GALNT9: variants seen among roughly 807,000 people sequenced by gnomAD.
The protein encoded by GALNT9 is GalNAc transferase 9.
GALNT9 carries 47 observed loss-of-function variants against 63.1 expected under a neutral mutation model. That is an observed-to-expected ratio of 0.75 (90% CI 0.59 to 0.95). GALNT9 has a LOEUF of 0.95. Among genes scored for constraint, GALNT9 ranks in the 40% least tolerant of loss-of-function variants. The probability of loss-of-function intolerance (pLI) is 0.00; values close to 1 mark genes in which losing one functional copy is unlikely to be tolerated. For synonymous variants in GALNT9, 396 were observed against 365.7 expected, an observed-to-expected ratio of 1.08 and a Z score of -0.94; for missense variants, 829 against 874.8, an observed-to-expected ratio of 0.95 and a Z score of 0.66.
intron 2 of GALNT9, among the ~76,000 whole-genome samples, chr12:132,267,065 C>T (rs376942842): frequency 5.9e-5 from 9 of 152,116 alleles, no homozygotes; most frequent in East Asian, 1.9e-4. Flanking sequence ...GCTCTCTCCC[C>T]GAGGAGCAGT....
At chr12:132,264,212 C>T (rs1381468503) in intron 2 of GALNT9, among the ~76,000 whole-genome samples, 1 of 152,244 alleles carries the variant, frequency 6.6e-6, no homozygotes, top group Non-Finnish European at 1.5e-5. Flanking sequence ...AGAAGGCCTC[C>T]CTGCAAGCTC....
At chr12:132,213,986 G>A (rs868068231) in intron 6 of GALNT9, among the ~76,000 whole-genome samples, 1 of 152,140 alleles carries the variant, frequency 6.6e-6, no homozygotes, top group Non-Finnish European at 1.5e-5. Flanking sequence ...AGGGACACCC[G>A]CGACTCCGAG....
At position 132,265,779 on chromosome 12, in the gene GALNT9, G is replaced by T. The variant is rs781856997; in HGVS notation, c.420-3154C>A. Reference sequence around the variant, plus strand: ...AGCCACACATTCCTGCCTCGGAGGGGCCAGGGGCTTCTCCAGGACACTGTA... The same window carrying T: ...AGCCACACATTCCTGCCTCGGAGGGTCCAGGGGCTTCTCCAGGACACTGTA... On this transcript the variant is annotated intron_variant, in intron 2 of 10. Transcript: ENST00000328957. The surrounding 1 kb of genome is among the most constrained non-coding windows in gnomAD (Gnocchi z 5.3). Among the ~76,000 whole-genome samples, 1 of 152,212 alleles carries T rather than the reference G, an allele frequency of 6.6e-6. No individual in the cohort carries two copies. The highest frequency in any genetic ancestry group is 1.5e-5 in the Non-Finnish European group (1 of 68,042).
intron 1 of GALNT9, among the ~76,000 whole-genome samples, chr12:132,325,650 T>G (rs1296615942): frequency 6.6e-6 from 1 of 152,226 alleles, no homozygotes; most frequent in Non-Finnish European, 1.5e-5. Flanking sequence ...GCTGGACCTC[T>G]CTGGGCCCCG....
chr12:132,235,628 G>T (rs1388643981), intron 6 of GALNT9, among the ~76,000 whole-genome samples: 2 of 152,188 alleles, frequency 1.3e-5, no homozygotes, highest in East Asian at 3.9e-4. Context: ...GCCAGAGCCA[G>T]TTGCTCAGCC....
intron 5 of GALNT9, among the ~76,000 whole-genome samples, chr12:132,248,662 G>A (rs1279567077): frequency 6.6e-6 from 1 of 152,234 alleles, no homozygotes; most frequent in Non-Finnish European, 1.5e-5. Context: ...CCTTGTTGAT[G>A]ACAGATTCTG....
At chr12:132,261,531 C>T (rs1441000524) in intron 3 of GALNT9, among the ~76,000 whole-genome samples, 1 of 152,186 alleles carries the variant, frequency 6.6e-6, no homozygotes, top group African/African-American at 2.4e-5. Flanking sequence ...CACAGGTAGC[C>T]GAGCTGGACT....
At chr12:132,240,533 G>T (rs2136898507) in intron 6 of GALNT9, 1 of 442,508 alleles carries the variant, frequency 2.3e-6, no homozygotes, top group East Asian at 7.3e-5. Flanking sequence ...GCTGCTGTGG[G>T]CCTGGCGTGG....
Position 132,262,501 on chromosome 12 carries a change from G to C in GALNT9, c.544C>G (p.Leu182Val). 1 of 1,551,344 alleles carries C rather than the reference G, an allele frequency of 6.4e-7. No individual in the cohort carries two copies. The highest frequency in any genetic ancestry group is 2.4e-5 in the East Asian group (1 of 40,928). ...HSVVNHTPSQ[L>V]LKEVILVDDN... ...TCCACCAGGATGACCTCCTTGAGGAGCTGGGAGGGCGTGTGGTTGACCACG... is the reference window on the plus strand; with the variant it reads ...TCCACCAGGATGACCTCCTTGAGGACCTGGGAGGGCGTGTGGTTGACCACG... Residue 182 changes from leucine (L) to valine (V), a missense_variant, in exon 3 of 11, where the codon CTC (leucine) becomes GTC (valine). By Grantham distance (32) the Leu-to-Val change is conservative. Coordinates refer to ENST00000328957, the MANE Select transcript of GALNT9 (RefSeq NM_001122636.2).
chr12:132,296,071 G>GGAACAGGGAGAGCCTCC lies in GALNT9; in HGVS notation c.239-9658_239-9642dup, dbSNP rs1475764772. ...GAGCCTCTGAACAGGGAGAGGCTCC[G>GGAACAGGGAGAGCCTCC]GAACAGGGAGAGCCTCCGAACAGGG... On this transcript the variant is annotated intron_variant, in intron 1 of 10. Transcript: ENST00000328957. The surrounding 1 kb of genome is among the most constrained non-coding windows in gnomAD (Gnocchi z 4.2). 4.1e-5 allele frequency among the ~76,000 whole-genome samples: 6 copies of GGAACAGGGAGAGCCTCC among 145,124 alleles called. No homozygotes were observed. Among genetic ancestry groups the GGAACAGGGAGAGCCTCC allele is most frequent in the East Asian group, 2.0e-4 (1 of 4,906 alleles).
intron 6 of GALNT9, among the ~76,000 whole-genome samples, chr12:132,222,195 T>C (rs1018088177): frequency 6.6e-6 from 1 of 152,046 alleles, no homozygotes; most frequent in African/African-American, 2.4e-5. Flanking sequence ...GCTTTTAATT[T>C]GAAAAAAGAA....
chr12:132,274,811 T>C (rs1269188812), intron 2 of GALNT9: 1 of 152,104 alleles, frequency 6.6e-6, no homozygotes, highest in African/African-American at 2.4e-5. Flanking sequence ...CACATGAACA[T>C]ATGCCACACA....
At chr12:132,203,814 C>G in intron 6 of GALNT9, 124 bp from the exon 7 acceptor site, 1 of 1,029,872 alleles carries the variant, frequency 9.7e-7, no homozygotes, top group Non-Finnish European at 1.4e-6. Context: ...CCACCACCGA[C>G]GGGCCTGGTG....
At chr12:132,247,601 G>A (rs548900450) in intron 6 of GALNT9, 63 of 542,412 alleles carry the variant, frequency 1.2e-4, no homozygotes, top group Non-Finnish European at 1.8e-4. Context: ...CCCTGTCCCC[G>A]GACACTGCAG....
intron 1 of GALNT9, among the ~76,000 whole-genome samples, chr12:132,303,689 G>A (rs868965629): frequency 3.5e-3 from 104 of 30,122 alleles, no homozygotes; most frequent in East Asian, 8.9e-3. Context: ...CCTCACCCGG[G>A]CACACCCTCA....
At chr12:132,304,254 C>A (rs375259421) in intron 1 of GALNT9, among the ~76,000 whole-genome samples, 2 of 35,932 alleles carry the variant, frequency 5.6e-5, no homozygotes, top group Non-Finnish European at 1.1e-4. Context: ...CCCAGACACA[C>A]CCTCACCCGG....
intron 6 of GALNT9, among the ~76,000 whole-genome samples, chr12:132,211,037 G>C (rs1876937764): frequency 6.6e-6 from 1 of 152,164 alleles, no homozygotes; most frequent in African/African-American, 2.4e-5. Flanking sequence ...GCCGGCCTCA[G>C]TCCACAGAAA....
chr12:132,206,868 G>A (rs116027733), intron 6 of GALNT9, among the ~76,000 whole-genome samples: 4,896 of 152,036 alleles, frequency 0.032, 251 homozygotes, highest in African/African-American at 0.11. Context: ...AAAAACCAGC[G>A]AGCCTGGGCA....
intron 2 of GALNT9, among the ~76,000 whole-genome samples, chr12:132,267,415 G>A (rs1220249170): frequency 4.6e-5 from 7 of 152,214 alleles, no homozygotes; most frequent in Admixed American, 1.3e-4. Flanking sequence ...GTGAGCAGCC[G>A]GGGGTCCTTG....
Sources: allele counts gnomAD v4.1 joint callset (sites outside exome capture counted in the v4.1 genomes callset), GRCh38; gene constraint gnomAD v4.1.1; non-coding constraint Gnocchi (gnomAD v3.1); transcripts MANE v1.5; gene names NCBI Gene and HGNC (gene_info 2026-07-23, HGNC 2026-07-21).